Variants in NUBP1 observed in about 807,000 individuals in gnomAD.
The protein encoded by NUBP1 is cytosolic Fe-S cluster assembly factor NUBP1.
Under a neutral mutation model 41.8 loss-of-function variants are expected in NUBP1, and 46 were observed. The observed-to-expected ratio is 1.10, with a 90% confidence interval of 0.87 to 1.41. The LOEUF is 1.41. NUBP1 is among the 40% of genes most tolerant of loss of function. The pLI, the probability that NUBP1 is intolerant of heterozygous loss-of-function variation, is 0.00. For synonymous variants in NUBP1, 189 were observed against 154.6 expected, an observed-to-expected ratio of 1.22 and a Z score of -1.65; for missense variants, 494 against 414.0, an observed-to-expected ratio of 1.19 and a Z score of -1.68.
chr16:10,761,367 G>A lies in NUBP1; in HGVS notation c.610G>A (p.Val204Met), dbSNP rs1206926162. 5 of 1,613,750 alleles carry A rather than the reference G, an allele frequency of 3.1e-6. No homozygotes were observed. The highest frequency in any genetic ancestry group is 3.4e-6 in the Non-Finnish European group (4 of 1,179,814). Reference sequence around the variant, plus strand: ...ACTGGTCTTTTCACCTTCGTAGGAGGTGTCACTCCAGGATGTCCGGAAAGA... The same window carrying A: ...ACTGGTCTTTTCACCTTCGTAGGAGATGTCACTCCAGGATGTCCGGAAAGA... ...GAVIITTPQEVSLQDVRKEIN... is the reference protein window; with the variant it reads ...GAVIITTPQEMSLQDVRKEIN... The change falls in exon 8 of 11, where the codon GTG becomes ATG. Residue 204 changes from valine to methionine, a missense_variant. Transcript: ENST00000283027.
At chr16:10,756,177 G>A (rs1292839990) in intron 5 of NUBP1, among the ~76,000 whole-genome samples, 6 of 152,078 alleles carry the variant, frequency 3.9e-5, no homozygotes, top group African/African-American at 1.4e-4. Flanking sequence ...CCAGGAGTTC[G>A]AGACCAGCCT....
rs914614763 is a variant in NUBP1 at position 10,765,292 on chromosome 16, C to G, written c.821-2657C>G. On this transcript the variant is annotated intron_variant, in intron 9 of 10. Coordinates refer to ENST00000283027, the MANE Select transcript of NUBP1 (RefSeq NM_002484.4). The surrounding 1 kb of genome is among the most constrained non-coding windows in gnomAD (Gnocchi z 4.0). ...ACACACACACACACACAACCATGCT[C>G]TAGCCTGGGTAACACAGGAAGATAC... The G allele has an allele frequency of 6.9e-6, 1 of 145,580 alleles. No homozygotes were observed. Among genetic ancestry groups the G allele is most frequent in the East Asian group, 2.0e-4 (1 of 4,950 alleles). The allele number at this position is 145,580 out of a possible 1,614,324, so 9.0% of individuals were successfully genotyped here.
chr16:10,752,552 T>C (rs932464352), intron 3 of NUBP1, 58 bp from the exon 4 acceptor site: 79 of 1,369,954 alleles, frequency 5.8e-5, no homozygotes, highest in Non-Finnish European at 7.7e-5. Flanking sequence ...CCTAGTTGTG[T>C]GTGTCTGGAG....
rs2142823201 is a variant in NUBP1 at position 10,766,262 on chromosome 16, T to C, written c.821-1687T>C. On this transcript the variant is annotated intron_variant, in intron 9 of 10. Transcript: ENST00000283027. The surrounding 1 kb of genome is among the most constrained non-coding windows in gnomAD (Gnocchi z 4.8). The stretch of plus-strand genomic sequence containing the variant: ...AGCCTCGATGGCCCCGTGTGTAAAA[T>C]GCAGGTGACAGTGGTGCCTAGTGAG... 1 of 152,558 alleles carries C rather than the reference T, an allele frequency of 6.6e-6. No homozygotes were observed. The highest frequency in any genetic ancestry group is 6.5e-5 in the Admixed American group (1 of 15,310). The allele number at this position is 152,558 out of a possible 1,614,324, so 9.5% of individuals were successfully genotyped here. A position where few individuals can be genotyped will look rare whatever the true frequency, so the allele number is the denominator to read the frequency against.
intron 8 of NUBP1, 114 bp from the exon 9 acceptor site, chr16:10,761,643 G>A: frequency 1.0e-6 from 1 of 1,000,720 alleles, no homozygotes; most frequent in South Asian, 1.6e-5. Context: ...AGGTGTTAAG[G>A]GTTCCACATT....
intron 4 of NUBP1, among the ~76,000 whole-genome samples, chr16:10,753,083 C>T (rs1385745348): frequency 2.6e-5 from 4 of 151,668 alleles, no homozygotes; most frequent in Non-Finnish European, 5.9e-5. Flanking sequence ...CGTGAGCCAC[C>T]GCACCTGGCC....
intron 7 of NUBP1, among the ~76,000 whole-genome samples, chr16:10,760,119 G>A (rs566218146): frequency 2.0e-5 from 3 of 152,362 alleles, no homozygotes; most frequent in South Asian, 4.1e-4. Context: ...TCCACATTGG[G>A]CAGTATTCCT....
chr16:10,761,386 G>T lies in NUBP1; in HGVS notation c.629G>T (p.Arg210Leu), dbSNP rs754936367. The T allele has an allele frequency of 5.6e-6, 9 of 1,613,948 alleles. No homozygotes were observed. The highest frequency in any genetic ancestry group is 7.6e-6 in the Non-Finnish European group (9 of 1,179,968). Residue 210 changes from arginine to leucine, a missense_variant, in exon 8 of 11, where the codon CGG becomes CTG. Physicochemically the swap from Arg to Leu is moderately radical, Grantham distance 102 (BLOSUM62 -2). Transcript: ENST00000283027. The part of the protein sequence containing the change: ...TPQEVSLQDV[R>L]KEINFCRKVK... The stretch of plus-strand genomic sequence containing the variant: ...TAGGAGGTGTCACTCCAGGATGTCC[G>T]GAAAGAAATCAACTTCTGCCGCAAG...
chr16:10,758,132 T>C (rs1360884454), intron 7 of NUBP1, 105 bp downstream of exon 7: 12 of 1,333,308 alleles, frequency 9.0e-6, no homozygotes, highest in Non-Finnish European at 1.0e-5. Context: ...CTCTTCCCAG[T>C]GTGTGTTCCG....
chr16:10,756,917 TTCTTCACTGG>T (rs1170316906), intron 6 of NUBP1, 137 bp downstream of exon 6: 10 of 623,842 alleles, frequency 1.6e-5, no homozygotes, highest in Non-Finnish European at 2.2e-5. Context: ...CAGTGCCTCT[TTCTTCACTGG>T]TTGAAAAGAG....
chr16:10,753,269 G>T (rs1900405720), intron 4 of NUBP1, among the ~76,000 whole-genome samples: 1 of 152,220 alleles, frequency 6.6e-6, no homozygotes, highest in African/African-American at 2.4e-5. Flanking sequence ...GAAACAGCCA[G>T]TGAAATGCAG....
chr16:10,766,028 GA>G lies in NUBP1; in HGVS notation c.821-1917del. ...CAAGGTCACTGGGGACAGAGTGGGG[GA>G]AAACCCACCTTCCTAGGAACAGACA... is the stretch of plus-strand genomic sequence containing the variant. On this transcript the variant is annotated intron_variant, in intron 9 of 10. Coordinates refer to ENST00000283027, the MANE Select transcript of NUBP1 (RefSeq NM_002484.4). The surrounding 1 kb of genome is among the most constrained non-coding windows in gnomAD (Gnocchi z 4.8). 6.6e-6 allele frequency: 1 copy of G among 152,470 alleles called. No homozygotes were observed. Among genetic ancestry groups the G allele is most frequent in the Non-Finnish European group, 1.5e-5 (1 of 68,122 alleles). 9.4% of individuals were successfully genotyped at this position (152,470 alleles called of 1,614,324 possible). A position where few individuals can be genotyped will look rare whatever the true frequency, so the allele number is the denominator to read the frequency against.
chr16:10,763,961 C>G, intron 9 of NUBP1: 1 of 192,378 alleles, frequency 5.2e-6, no homozygotes, highest in South Asian at 6.7e-5. Flanking sequence ...TCTCAGCCCA[C>G]AGGAGTATCT....
chr16:10,745,200 C>T (rs945791635), intron 2 of NUBP1, among the ~76,000 whole-genome samples: 10 of 151,766 alleles, frequency 6.6e-5, no homozygotes, highest in Non-Finnish European at 1.3e-4. Flanking sequence ...TGCAGTGGCT[C>T]ACGCCTGTAA....
chr16:10,745,570 T>C (rs955091814), intron 2 of NUBP1, among the ~76,000 whole-genome samples: 14 of 152,138 alleles, frequency 9.2e-5, no homozygotes, highest in African/African-American at 2.9e-4. Flanking sequence ...CCCTGGAAAA[T>C]ACAAGTGACA....
At chr16:10,753,935 G>A (rs945050832) in intron 4 of NUBP1, among the ~76,000 whole-genome samples, 9 of 152,140 alleles carry the variant, frequency 5.9e-5, no homozygotes, top group African/African-American at 1.9e-4. Context: ...CACTTCTAAG[G>A]CCTTGGGGTT....
chr16:10,752,744 C>G, intron 4 of NUBP1, 66 bp downstream of exon 4: 1 of 1,300,828 alleles, frequency 7.7e-7, no homozygotes, highest in Non-Finnish European at 1.1e-6. Flanking sequence ...ACTGAACTGT[C>G]AAACCTCAAC....
intron 3 of NUBP1, among the ~76,000 whole-genome samples, chr16:10,751,369 T>C (rs1042659749): frequency 6.6e-6 from 1 of 152,122 alleles, no homozygotes; most frequent in East Asian, 1.9e-4. Flanking sequence ...GGTTTTCCGA[T>C]GATGTCGCTC....
At chr16:10,760,735 TAA>T (rs373845717) in intron 7 of NUBP1, among the ~76,000 whole-genome samples, 1 of 148,800 alleles carries the variant, frequency 6.7e-6, no homozygotes, top group African/African-American at 2.5e-5. Context: ...ATCCTGTCTC[TAA>T]AAAAAAAAGT....
Sources: gnomAD v4.1 joint callset for allele counts (sites outside exome capture counted in the v4.1 genomes callset) on GRCh38, gnomAD v4.1.1 for gene constraint, Gnocchi (gnomAD v3.1) non-coding constraint, MANE v1.5 for transcripts, NCBI Gene and HGNC (gene_info 2026-07-23, HGNC 2026-07-21) for gene names.